Variants in CPED1 observed in about 807,000 individuals in gnomAD.
CPED1 encodes cadherin-like and PC-esterase domain-containing protein 1.
In CPED1, 114 loss-of-function variants were observed where a neutral mutation model predicts 128.2. The observed-to-expected ratio is 0.89, with a 90% CI of 0.76 to 1.04. CPED1 has a LOEUF of 1.04. Ranked by LOEUF, CPED1 falls within the 50% of genes least tolerant of loss-of-function variation. CPED1 has a pLI of 0.00. For synonymous variants in CPED1, 462 were observed against 426.7 expected (o/e 1.08, Z -1.02); for missense variants, 1,211 against 1,207.1 (o/e 1.00, Z -0.05).
At chr7:121,095,580 A>C (rs1794678998) in intron 5 of CPED1, among the ~76,000 whole-genome samples, 1 of 152,096 alleles carries the variant, frequency 6.6e-6, no homozygotes, top group Admixed American at 6.6e-5. Context: ...ACATATAAAA[A>C]TAAAGGTAAC....
At chr7:121,244,487 G>A in intron 18 of CPED1, 149 bp downstream of exon 18, 1 of 776,922 alleles carries the variant, frequency 1.3e-6, no homozygotes, top group Admixed American at 2.8e-5. Context: ...ATCATGTATA[G>A]ATGTTATCAT....
chr7:121,073,300 C>A (rs1794040071), intron 5 of CPED1, among the ~76,000 whole-genome samples: 1 of 152,134 alleles, frequency 6.6e-6, no homozygotes, highest in Admixed American at 6.6e-5. Flanking sequence ...TCTTCATCCT[C>A]ATCATCTTCA....
chr7:121,130,066 T>G (rs1795623751), intron 11 of CPED1, 59 bp from the exon 12 acceptor site: 1 of 1,315,430 alleles, frequency 7.6e-7, no homozygotes, highest in Non-Finnish European at 1.1e-6. Context: ...AGGCTGTTCA[T>G]AGTAATACTA....
At chr7:120,991,096 C>T (rs951682251) in intron 2 of CPED1, among the ~76,000 whole-genome samples, 17 of 152,148 alleles carry the variant, frequency 1.1e-4, no homozygotes, top group Admixed American at 3.3e-4. Context: ...CAATTCAAAG[C>T]CCTTGTAATA....
chr7:121,137,806 G>T (rs555675256), intron 14 of CPED1, among the ~76,000 whole-genome samples: 13 of 152,052 alleles, frequency 8.5e-5, no homozygotes, highest in Non-Finnish European at 1.8e-4. Flanking sequence ...AAGGACTAGT[G>T]AGAAAACTAG....
chr7:121,102,049 A>T (rs6466769), intron 7 of CPED1, among the ~76,000 whole-genome samples: 3 of 152,000 alleles, frequency 2.0e-5, no homozygotes, highest in Non-Finnish European at 4.4e-5. Context: ...TGCTGCATGT[A>T]TAACTTAAAT....
intron 5 of CPED1, among the ~76,000 whole-genome samples, chr7:121,085,361 G>A (rs559206445): frequency 7.9e-5 from 12 of 152,278 alleles, no homozygotes; most frequent in African/African-American, 2.9e-4. Context: ...GTTTTCCAAA[G>A]CCTGAATAAG....
At chr7:121,177,504 A>G (rs1423832656) in intron 16 of CPED1, among the ~76,000 whole-genome samples, 2 of 152,074 alleles carry the variant, frequency 1.3e-5, no homozygotes, top group African/African-American at 2.4e-5. Flanking sequence ...CTCAATTAAA[A>G]AACACTTTTT....
At chr7:121,143,799 C>A (rs1795958722) in intron 16 of CPED1, among the ~76,000 whole-genome samples, 1 of 151,850 alleles carries the variant, frequency 6.6e-6, no homozygotes, top group Non-Finnish European at 1.5e-5. Context: ...ATTCAGCAGT[C>A]CTTCTAGCTA....
At chr7:121,189,004 C>T (rs1797066645) in intron 16 of CPED1, among the ~76,000 whole-genome samples, 1 of 152,144 alleles carries the variant, frequency 6.6e-6, no homozygotes, top group African/African-American at 2.4e-5. Flanking sequence ...CATTTGTCGT[C>T]ATCCTTTGTC....
chr7:121,105,326 G>A (rs1794948604), intron 7 of CPED1, among the ~76,000 whole-genome samples: 1 of 152,060 alleles, frequency 6.6e-6, no homozygotes, highest in African/African-American at 2.4e-5. Flanking sequence ...ATATTCCCAA[G>A]GTAAAAATGA....
intron 7 of CPED1, among the ~76,000 whole-genome samples, chr7:121,117,075 C>T (rs1028706363): frequency 1.9e-4 from 14 of 74,472 alleles, no homozygotes; most frequent in Admixed American, 4.1e-4. Flanking sequence ...TATATATACA[C>T]ATTATATATA....
chr7:121,156,534 G>A (rs1796287577), intron 16 of CPED1, among the ~76,000 whole-genome samples: 1 of 152,160 alleles, frequency 6.6e-6, no homozygotes. Context: ...GTAATTTACA[G>A]CAGCATGAAT....
intron 16 of CPED1, among the ~76,000 whole-genome samples, chr7:121,194,022 C>CTCTCTCTATATATA (rs1484413430): frequency 2.7e-5 from 2 of 74,748 alleles, no homozygotes; most frequent in South Asian, 6.1e-4. Context: ...CTCTCTCTCT[C>CTCTCTCTATATATA]TATATATATA....
intron 14 of CPED1, 70 bp downstream of exon 14, chr7:121,136,160 T>A (rs1305999376): frequency 2.1e-6 from 3 of 1,413,342 alleles, no homozygotes; most frequent in East Asian, 5.3e-5. Flanking sequence ...TGAAAAAAAA[T>A]GCATCATTTT....
At chr7:121,028,772 A>T (rs1177247195) in intron 3 of CPED1, among the ~76,000 whole-genome samples, 1 of 152,210 alleles carries the variant, frequency 6.6e-6, no homozygotes, top group Non-Finnish European at 1.5e-5. Context: ...CATAAAATGG[A>T]TATTTTTGGA....
At chr7:121,069,241 C>T (rs1793930800) in intron 5 of CPED1, among the ~76,000 whole-genome samples, 2 of 152,124 alleles carry the variant, frequency 1.3e-5, no homozygotes, top group African/African-American at 4.8e-5. Context: ...CAAGTCCTAA[C>T]TCTGAGGCTT....
chr7:121,000,511 A>G (rs1161066045), intron 2 of CPED1, among the ~76,000 whole-genome samples: 1 of 152,156 alleles, frequency 6.6e-6, no homozygotes, highest in East Asian at 1.9e-4. Flanking sequence ...AATAATTATC[A>G]AGAAGAACAC....
At chr7:121,087,692 T>A (rs1794467467) in intron 5 of CPED1, among the ~76,000 whole-genome samples, 1 of 127,986 alleles carries the variant, frequency 7.8e-6, no homozygotes, top group Non-Finnish European at 1.7e-5. Context: ...GCAGAGTCTT[T>A]CTCAGTTGCC....
Sources: gnomAD v4.1 joint callset for allele counts (sites outside exome capture counted in the v4.1 genomes callset) on GRCh38, gnomAD v4.1.1 for gene constraint, MANE v1.5 for transcripts, NCBI Gene and HGNC (gene_info 2026-07-23, HGNC 2026-07-21) for gene names.